The following NRG3 variants were observed in gnomAD, a reference collection of about 807,000 sequenced individuals.
NRG3 encodes pro-neuregulin-3, membrane-bound isoform.
Under a neutral mutation model 66.9 loss-of-function variants are expected in NRG3, and 31 were observed. The observed-to-expected ratio is 0.46, with a 90% CI of 0.35 to 0.63. The LOEUF (loss-of-function observed/expected upper bound fraction) is 0.63. Ranked by LOEUF, NRG3 falls within the 20% of genes least tolerant of loss-of-function variation. NRG3 has a pLI of 0.00. For synonymous variants in NRG3, 393 were observed against 359.4 expected, an observed-to-expected ratio of 1.09 and a Z score of -1.06; for missense variants, 910 against 878.9, an observed-to-expected ratio of 1.04 and a Z score of -0.45.
chr10:82,427,005 T>C lies in NRG3; in HGVS notation c.953+68137T>C, dbSNP rs553928056. Reference sequence around the variant, plus strand: ...ATTGTTCATTGCTAGTGTATAGAAATATGACTGATTTTTGTATATAGGCCT... The same window carrying C: ...ATTGTTCATTGCTAGTGTATAGAAACATGACTGATTTTTGTATATAGGCCT... On this transcript the variant is annotated intron_variant, in intron 2 of 8. Coordinates refer to ENST00000372141, the MANE Select transcript of NRG3 (RefSeq NM_001010848.4). Among the ~76,000 whole-genome samples, 5 of 152,230 alleles carry C rather than the reference T, an allele frequency of 3.3e-5. No individual in the cohort carries two copies. In the East Asian group the frequency reaches 9.7e-4, roughly 30 times the overall value.
chr10:82,406,475 G>C (rs1364663561), intron 2 of NRG3, among the ~76,000 whole-genome samples: 1 of 152,178 alleles, frequency 6.6e-6, no homozygotes, highest in Admixed American at 6.5e-5. Flanking sequence ...TGGAAATGCA[G>C]ATCTTGTGTT....
chr10:82,051,419 G>A (rs1245247612), intron 1 of NRG3, among the ~76,000 whole-genome samples: 1 of 152,102 alleles, frequency 6.6e-6, no homozygotes. Context: ...GATCCCGTGA[G>A]GATGACGTCT....
At chr10:82,821,953 G>GC in intron 3 of NRG3, among the ~76,000 whole-genome samples, 1 of 152,120 alleles carries the variant, frequency 6.6e-6, no homozygotes, top group South Asian at 2.1e-4. Flanking sequence ...CTGCTACCCT[G>GC]CCCCCCACAT....
chr10:82,135,438 T>G (rs1221824399), intron 1 of NRG3, among the ~76,000 whole-genome samples: 16 of 152,080 alleles, frequency 1.1e-4, no homozygotes, highest in Admixed American at 1.0e-3. Context: ...CTACCCCATT[T>G]CTCTCTCTAC....
chr10:82,980,374 G>T (rs1242524172), intron 8 of NRG3, among the ~76,000 whole-genome samples: 1 of 152,056 alleles, frequency 6.6e-6, no homozygotes, highest in Admixed American at 6.6e-5. Context: ...AATTTTTTCA[G>T]CAATTTCAAG....
intron 1 of NRG3, among the ~76,000 whole-genome samples, chr10:81,887,242 C>G (rs1842682662): frequency 6.6e-6 from 1 of 151,966 alleles, no homozygotes; most frequent in Non-Finnish European, 1.5e-5. Flanking sequence ...GGAAATAATG[C>G]CTTATTGAAG....
chr10:82,967,500 T>C (rs1235038036), intron 6 of NRG3, among the ~76,000 whole-genome samples: 1 of 152,212 alleles, frequency 6.6e-6, no homozygotes, highest in Non-Finnish European at 1.5e-5. Flanking sequence ...GGTTATACCA[T>C]ACCTTTGCAC....
chr10:82,639,168 A>G (rs1172156251), intron 2 of NRG3, among the ~76,000 whole-genome samples: 3 of 152,208 alleles, frequency 2.0e-5, no homozygotes, highest in African/African-American at 7.2e-5. Flanking sequence ...AAACTGGGTA[A>G]TTAATAAACA....
At chr10:81,977,417 C>G (rs2060164359) in intron 1 of NRG3, among the ~76,000 whole-genome samples, 2 of 152,096 alleles carry the variant, frequency 1.3e-5, no homozygotes, top group African/African-American at 4.8e-5. Flanking sequence ...TTGACAAACT[C>G]AAGCAATGTA....
chr10:82,685,147 A>G (rs563683658), intron 2 of NRG3, among the ~76,000 whole-genome samples: 3 of 152,254 alleles, frequency 2.0e-5, no homozygotes, highest in African/African-American at 7.2e-5. Flanking sequence ...GCCCCCCCCA[A>G]AACTTAACCA....
chr10:82,382,629 A>G (rs2085694172), intron 2 of NRG3, among the ~76,000 whole-genome samples: 1 of 152,132 alleles, frequency 6.6e-6, no homozygotes, highest in African/African-American at 2.4e-5. Flanking sequence ...CAGTTCTCAC[A>G]TACTATTTTA....
intron 1 of NRG3, among the ~76,000 whole-genome samples, chr10:82,230,909 G>A (rs1199689326): frequency 1.3e-5 from 2 of 152,068 alleles, no homozygotes; most frequent in East Asian, 1.9e-4. Context: ...ACATGCAAAG[G>A]CATAAAAATG....
intron 2 of NRG3, among the ~76,000 whole-genome samples, chr10:82,450,147 C>T (rs2090949651): frequency 6.6e-6 from 1 of 152,144 alleles, no homozygotes; most frequent in African/African-American, 2.4e-5. Context: ...TGGATTAGCA[C>T]ACTACAAGTT....
intron 2 of NRG3, among the ~76,000 whole-genome samples, chr10:82,730,161 T>C (rs942766616): frequency 6.7e-6 from 1 of 149,324 alleles, no homozygotes; most frequent in Non-Finnish European, 1.5e-5. Context: ...TCTCGGCCAA[T>C]GCAAGCTCTG....
At chr10:82,688,000 T>G (rs2054640444) in intron 2 of NRG3, among the ~76,000 whole-genome samples, 1 of 152,174 alleles carries the variant, frequency 6.6e-6, no homozygotes, top group Non-Finnish European at 1.5e-5. Flanking sequence ...CACCTCACAT[T>G]TCAGCCACAT....
intron 2 of NRG3, among the ~76,000 whole-genome samples, chr10:82,510,245 T>A (rs1347475264): frequency 6.6e-6 from 1 of 152,182 alleles, no homozygotes; most frequent in Admixed American, 6.5e-5. Context: ...GAGACTGAGC[T>A]TCCAGAGGCA....
At chr10:82,166,786 A>G in intron 1 of NRG3, 1 of 684,970 alleles carries the variant, frequency 1.5e-6, no homozygotes, top group East Asian at 2.7e-5. Flanking sequence ...TTAACATTTC[A>G]AGTAGTGTGG....
At chr10:82,503,921 G>A (rs1203906683) in intron 2 of NRG3, among the ~76,000 whole-genome samples, 5 of 152,084 alleles carry the variant, frequency 3.3e-5, no homozygotes, top group African/African-American at 7.2e-5. Flanking sequence ...GGAGGCAGAC[G>A]GCCTGGACAA....
At chr10:82,912,245 G>T (rs1261964873) in intron 4 of NRG3, among the ~76,000 whole-genome samples, 1 of 152,034 alleles carries the variant, frequency 6.6e-6, no homozygotes, top group Non-Finnish European at 1.5e-5. Context: ...TGGATAGAAG[G>T]GTTCAAGTCT....
Sources: gnomAD v4.1 joint callset for allele counts (sites outside exome capture counted in the v4.1 genomes callset) on GRCh38, gnomAD v4.1.1 for gene constraint, MANE v1.5 for transcripts, NCBI Gene and HGNC (gene_info 2026-07-23, HGNC 2026-07-21) for gene names.